OR2L13: variants seen among roughly 807,000 people sequenced by gnomAD.
OR2L13 encodes the protein olfactory receptor 2L13.
OR2L13 carries 14 observed loss-of-function variants against 15.3 expected under a neutral mutation model. The ratio of observed to expected loss-of-function variants is 0.91; its 90% CI spans 0.60 to 1.43. OR2L13 has a LOEUF of 1.43. Ranked by LOEUF, OR2L13 falls within the 40% of genes most tolerant of loss-of-function variation. The pLI is 0.00. For synonymous variants in OR2L13, 152 were observed against 142.9 expected (o/e 1.06, Z -0.45); for missense variants, 367 against 387.9 (o/e 0.95, Z 0.45).
the OR2L13 span, among the ~76,000 whole-genome samples, chr1:247,976,731 A>G: frequency 6.6e-6 from 1 of 152,184 alleles, no homozygotes; most frequent in African/African-American, 2.4e-5. Flanking sequence ...TTAGTAGGGT[A>G]TGTGATTCTC....
the OR2L13 span, among the ~76,000 whole-genome samples, chr1:248,043,698 G>A: frequency 6.6e-6 from 1 of 152,122 alleles, no homozygotes; most frequent in Admixed American, 6.5e-5. Flanking sequence ...GGTCCCCAGT[G>A]CAAAGCAAAA....
chr1:248,099,697 T>C (rs1392004610), exon 3 of OR2L13: 1 of 1,614,156 alleles, frequency 6.2e-7, no homozygotes, highest in Admixed American at 1.7e-5. Flanking sequence ...GACCATGGCG[T>C]GTTCTGAAGG....
the OR2L13 span, chr1:247,990,828 C>T: frequency 6.3e-7 from 1 of 1,593,206 alleles, no homozygotes; most frequent in Non-Finnish European, 8.6e-7. Context: ...TGACCCTAGC[C>T]TGCACGGATA....
chr1:248,003,294 A>G, the OR2L13 span: 4 of 1,580,282 alleles, frequency 2.5e-6, no homozygotes, highest in Non-Finnish European at 3.5e-6. Flanking sequence ...ACTCATCTCC[A>G]CACACCCATG....
At chr1:248,025,562 C>G in the OR2L13 span, among the ~76,000 whole-genome samples, 1 of 149,000 alleles carries the variant, frequency 6.7e-6, no homozygotes, top group Non-Finnish European at 1.5e-5. Flanking sequence ...GGATCTAGAA[C>G]TAGAAATACC....
At chr1:248,030,939 T>G in the OR2L13 span, among the ~76,000 whole-genome samples, 2 of 152,186 alleles carry the variant, frequency 1.3e-5, no homozygotes, top group Non-Finnish European at 2.9e-5. Flanking sequence ...TCCTCAGAAA[T>G]TTTTCTGCTC....
At chr1:248,021,001 GAAGT>G in the OR2L13 span, among the ~76,000 whole-genome samples, 17 of 151,824 alleles carry the variant, frequency 1.1e-4, no homozygotes, top group Admixed American at 6.5e-4. Context: ...TGCAGCTTTA[GAAGT>G]AAGTGTTACA....
At chr1:248,014,625 C>T in the OR2L13 span, among the ~76,000 whole-genome samples, 1 of 152,036 alleles carries the variant, frequency 6.6e-6, no homozygotes, top group Non-Finnish European at 1.5e-5. Flanking sequence ...ACAGTCATAG[C>T]AGATAACAAG....
chr1:248,099,796 G>A, exon 3 of OR2L13: 1 of 1,614,112 alleles, frequency 6.2e-7, no homozygotes, highest in Non-Finnish European at 8.5e-7. Context: ...AATGATGTGT[G>A]TGAAGATGAT....
chr1:248,046,956 C>CT, the OR2L13 span: 1 of 151,888 alleles, frequency 6.6e-6, no homozygotes, highest in Non-Finnish European at 1.5e-5. Flanking sequence ...CTTAAGAGAC[C>CT]TTTTTTCAGA....
At chr1:248,084,939 C>T in the OR2L13 span, among the ~76,000 whole-genome samples, 1 of 152,174 alleles carries the variant, frequency 6.6e-6, no homozygotes, top group Non-Finnish European at 1.5e-5. Context: ...CCAAGTACTA[C>T]TTACTCATTA....
chr1:247,954,643 C>T, the OR2L13 span, among the ~76,000 whole-genome samples: 3 of 150,608 alleles, frequency 2.0e-5, no homozygotes, highest in Admixed American at 2.0e-4. Flanking sequence ...TTTTTGAGTA[C>T]TGCTAGATTT....
At chr1:248,075,016 T>C in the OR2L13 span, among the ~76,000 whole-genome samples, 1 of 152,032 alleles carries the variant, frequency 6.6e-6, no homozygotes, top group Admixed American at 6.6e-5. Context: ...ATGCTGTCCC[T>C]CCCCCAGACC....
chr1:247,948,153 C>A, the OR2L13 span, among the ~76,000 whole-genome samples: 2 of 151,910 alleles, frequency 1.3e-5, no homozygotes, highest in African/African-American at 4.8e-5. Context: ...TTCAAGGCTG[C>A]AGTGAGCTAT....
chr1:248,066,305 C>A, the OR2L13 span, among the ~76,000 whole-genome samples: 1 of 152,202 alleles, frequency 6.6e-6, no homozygotes, highest in South Asian at 2.1e-4. Context: ...GTTTCCTAGA[C>A]CTTGGCAAAA....
At chr1:247,981,372 T>C in the OR2L13 span, among the ~76,000 whole-genome samples, 2 of 152,286 alleles carry the variant, frequency 1.3e-5, no homozygotes, top group Non-Finnish European at 2.9e-5. Context: ...CAATAATATA[T>C]ATTTTTTAAA....
the OR2L13 span, among the ~76,000 whole-genome samples, chr1:247,964,968 T>C: frequency 1.3e-5 from 2 of 149,724 alleles, no homozygotes; most frequent in Admixed American, 6.7e-5. Flanking sequence ...TTAAAAGATA[T>C]ATAACTATGA....
the OR2L13 span, chr1:247,965,666 G>A: frequency 1.3e-6 from 2 of 1,546,378 alleles, no homozygotes; most frequent in Admixed American, 2.0e-5. Flanking sequence ...TTTTTGGGCT[G>A]TGAGATTCAA....
At chr1:247,945,974 GATAA>G in the OR2L13 span, among the ~76,000 whole-genome samples, 5 of 152,062 alleles carry the variant, frequency 3.3e-5, no homozygotes, top group South Asian at 2.1e-4. Context: ...ATTAGCCTTC[GATAA>G]ATAAATATGT....
Sources: allele counts gnomAD v4.1 joint callset (sites outside exome capture counted in the v4.1 genomes callset), GRCh38; gene constraint gnomAD v4.1.1; transcripts MANE v1.5; gene names NCBI Gene and HGNC (gene_info 2026-07-23, HGNC 2026-07-21).